KIR3DL3: variants seen among roughly 807,000 people sequenced by gnomAD.
KIR3DL3 encodes killer cell immunoglobulin-like receptor 3DL3.
A neutral mutation model predicts 34.9 loss-of-function variants in KIR3DL3; 27 were observed. The observed-to-expected ratio is 0.77, with a 90% CI of 0.57 to 1.07. The LOEUF is 1.07. Ranked by LOEUF, KIR3DL3 falls within the 50% of genes least tolerant of loss-of-function variation. KIR3DL3 has a pLI of 0.00. For synonymous variants in KIR3DL3, 217 were observed against 200.2 expected (o/e 1.08, Z -0.71); for missense variants, 681 against 528.5 (o/e 1.29, Z -2.83).
At chr19:54,727,272 A>C (rs904668413) in intron 3 of KIR3DL3, among the ~76,000 whole-genome samples, 1 of 124,006 alleles carries the variant, frequency 8.1e-6, no homozygotes, top group Non-Finnish European at 1.7e-5. Flanking sequence ...AGATTGATTC[A>C]GGCTGCTAAG....
intron 5 of KIR3DL3, among the ~76,000 whole-genome samples, chr19:54,732,412 G>A (rs1258932374): frequency 7.1e-5 from 7 of 98,510 alleles, no homozygotes; most frequent in South Asian, 3.5e-4. Context: ...CACCACACTC[G>A]GCTAATTTTT....
intron 4 of KIR3DL3, 122 bp downstream of exon 4, chr19:54,728,032 T>C: frequency 1.0e-6 from 1 of 973,016 alleles, no homozygotes; most frequent in South Asian, 1.6e-5. Flanking sequence ...GAAAGTGACT[T>C]GGTGAGGTCT....
chr19:54,726,045 T>TC lies in KIR3DL3; in HGVS notation c.71-3dup. On this transcript the variant is annotated splice_region_variant and splice_polypyrimidine_tract_variant and intron_variant, in intron 2 of 7. Coordinates refer to ENST00000291860, the MANE Select transcript of KIR3DL3 (RefSeq NM_153443.5). ...TCCTCTCTAAGGTGGTGCCTCCTTC[T>TC]CCCCCAGGTGGTCAGGACAAGCCCT... is the stretch of plus-strand genomic sequence containing the variant. 2 of 1,597,286 alleles carry TC rather than the reference T, an allele frequency of 1.3e-6. No homozygotes were observed. Among genetic ancestry groups the TC allele is most frequent in the Non-Finnish European group, 1.7e-6 (2 of 1,167,280 alleles).
chr19:54,732,233 TG>T (rs1166127886), intron 5 of KIR3DL3, among the ~76,000 whole-genome samples: 1 of 140,176 alleles, frequency 7.1e-6, no homozygotes. Context: ...TGGGGTTTTT[TG>T]TGTGTGTGTG....
Position 54,725,352 on chromosome 19 carries a change from G to C in KIR3DL3, c.70+70G>C. 13 of 1,165,502 alleles carry C rather than the reference G, an allele frequency of 1.1e-5. 1 individual carries two copies. In the South Asian group the frequency reaches 2.5e-4, roughly 23 times the overall value. The allele number at this position is 1,165,502 out of a possible 1,614,324, so 72.2% of individuals were successfully genotyped here. A position where few individuals can be genotyped will look rare whatever the true frequency, so the allele number is the denominator to read the frequency against. On this transcript the variant is annotated intron_variant, in intron 2 of 7. Coordinates refer to ENST00000291860, the MANE Select transcript of KIR3DL3 (RefSeq NM_153443.5). ...GATGATGCTCCTGAAACGGGAGGCAGGCGACACAGGGGGTTGACTGATGGG... is the reference window on the plus strand; with the variant it reads ...GATGATGCTCCTGAAACGGGAGGCACGCGACACAGGGGGTTGACTGATGGG...
chr19:54,728,979 A>G (rs1198985324), intron 4 of KIR3DL3, among the ~76,000 whole-genome samples: 1 of 128,858 alleles, frequency 7.8e-6, no homozygotes, highest in African/African-American at 2.6e-5. Context: ...GATGATATAT[A>G]AATAGATATA....
chr19:54,728,571 A>G (rs1465164683), intron 4 of KIR3DL3, among the ~76,000 whole-genome samples: 7 of 152,186 alleles, frequency 4.6e-5, no homozygotes, highest in African/African-American at 1.7e-4. Flanking sequence ...CAGGGAAATC[A>G]AAAAGCAAAG....
intron 3 of KIR3DL3, among the ~76,000 whole-genome samples, chr19:54,727,198 A>G (rs2146770253): frequency 8.5e-6 from 1 of 117,612 alleles, no homozygotes; most frequent in African/African-American, 3.1e-5. Context: ...AGGAACAGGG[A>G]CACTGATGCC....
At chr19:54,735,127 C>T in intron 5 of KIR3DL3, 126 bp from the exon 6 acceptor site, 1 of 774,244 alleles carries the variant, frequency 1.3e-6, no homozygotes. Context: ...GCTAGGTCTC[C>T]CGCCATCTGG....
intron 5 of KIR3DL3, among the ~76,000 whole-genome samples, chr19:54,732,857 A>G (rs3815425): frequency 0.43 from 65,393 of 151,178 alleles, 14,841 homozygotes; most frequent in African/African-American, 0.58. Flanking sequence ...AACAAGGAGC[A>G]TGTTTTTGAT....
At chr19:54,725,689 G>A (rs2068084835) in intron 2 of KIR3DL3, among the ~76,000 whole-genome samples, 1 of 152,166 alleles carries the variant, frequency 6.6e-6, no homozygotes, top group Non-Finnish European at 1.5e-5. Flanking sequence ...CTAAGAGGTG[G>A]GGGAACCACA....
At chr19:54,732,514 C>T (rs1293898255) in intron 5 of KIR3DL3, among the ~76,000 whole-genome samples, 2 of 152,106 alleles carry the variant, frequency 1.3e-5, no homozygotes, top group Admixed American at 6.5e-5. Flanking sequence ...GCCTTAGCGT[C>T]CCTAAGTGCA....
intron 3 of KIR3DL3, 102 bp downstream of exon 3, chr19:54,726,439 T>A: frequency 7.0e-7 from 1 of 1,423,730 alleles, no homozygotes; most frequent in Non-Finnish European, 9.4e-7. Flanking sequence ...GCCCCGACTG[T>A]ATTTGGGGTA....
chr19:54,733,099 G>A (rs368729195), intron 5 of KIR3DL3, among the ~76,000 whole-genome samples: 64 of 152,234 alleles, frequency 4.2e-4, no homozygotes, highest in East Asian at 1.9e-3. Flanking sequence ...GGGCTTGCTG[G>A]GTTTGATTTT....
intron 5 of KIR3DL3, among the ~76,000 whole-genome samples, chr19:54,730,763 G>A (rs2068707629): frequency 1.3e-5 from 2 of 152,116 alleles, no homozygotes; most frequent in Non-Finnish European, 1.5e-5. Context: ...ATGACAGGAT[G>A]TTACTCTTTC....
At chr19:54,735,702 G>T (rs1305585325) in intron 6 of KIR3DL3, 118 bp from the exon 7 acceptor site, 8 of 1,125,300 alleles carry the variant, frequency 7.1e-6, no homozygotes, top group African/African-American at 6.8e-5. Flanking sequence ...TGAGTCTGCT[G>T]TTGGCAACTG....
Position 54,729,584 on chromosome 19 carries a change from GT to G in KIR3DL3, c.750del (p.Phe250LeufsTer21). 2 of 1,603,528 alleles carry G rather than the reference GT, an allele frequency of 1.2e-6. No homozygotes were observed. On this transcript the variant is annotated frameshift_variant, in exon 5 of 8. Transcript: ENST00000291860. LOFTEE classifies it high-confidence loss of function. Reference sequence around the variant, plus strand: ...CCTTGTCCTGCAGCTCCCGGAGCTTGTTTGACATTTACCATCTATCCAGGGA... The same window carrying G: ...CCTTGTCCTGCAGCTCCCGGAGCTTGTTGACATTTACCATCTATCCAGGGA... ...VTLSCSSRSL[F>X]DIYHLSREAE...
At chr19:54,732,503 C>T (rs1262414047) in intron 5 of KIR3DL3, among the ~76,000 whole-genome samples, 23 of 152,202 alleles carry the variant, frequency 1.5e-4, no homozygotes, top group African/African-American at 4.8e-4. Flanking sequence ...GTGATCCCAC[C>T]GCCTTAGCGT....
At chr19:54,732,755 T>C (rs2068958030) in intron 5 of KIR3DL3, among the ~76,000 whole-genome samples, 1 of 152,260 alleles carries the variant, frequency 6.6e-6, no homozygotes, top group African/African-American at 2.4e-5. Flanking sequence ...AGGAAGAGGC[T>C]CTGCCTCAAA....
Sources: gnomAD v4.1 joint callset for allele counts (sites outside exome capture counted in the v4.1 genomes callset) on GRCh38, gnomAD v4.1.1 for gene constraint, MANE v1.5 for transcripts, NCBI Gene and HGNC (gene_info 2026-07-23, HGNC 2026-07-21) for gene names.